The following LRRC9 variants were observed in gnomAD, a reference collection of about 807,000 sequenced individuals.
The protein encoded by LRRC9 is leucine-rich repeat-containing protein 9.
A neutral mutation model predicts 63.2 loss-of-function variants in LRRC9; 122 were observed. The ratio of observed to expected loss-of-function variants is 1.93; its 90% CI spans 1.67 to 2.24. The LOEUF (loss-of-function observed/expected upper bound fraction) is 2.24, where lower values mean the gene tolerates loss of function less well. Among genes scored for constraint, LRRC9 ranks in the 30% most tolerant of loss-of-function variants. The pLI, the probability that LRRC9 is intolerant of heterozygous loss-of-function variation, is 0.00. For missense variants in LRRC9, 1,071 were observed against 627.7 expected, an observed-to-expected ratio of 1.71 and a Z score of -7.55; for synonymous variants, 366 against 213.1, an observed-to-expected ratio of 1.72 and a Z score of -6.25.
chr14:60,061,030 A>C (rs1358905252), intron 31 of LRRC9, among the ~76,000 whole-genome samples: 2 of 152,190 alleles, frequency 1.3e-5, no homozygotes, highest in East Asian at 3.8e-4. Flanking sequence ...ATGGATGAGG[A>C]GTTGCTTCTT....
At chr14:60,030,846 A>G (rs1449157266) in intron 28 of LRRC9, among the ~76,000 whole-genome samples, 2 of 152,078 alleles carry the variant, frequency 1.3e-5, no homozygotes, top group Non-Finnish European at 2.9e-5. Flanking sequence ...AAAATGCTGC[A>G]TATTAAAAAT....
At chr14:60,059,105 C>T (rs1894484064) in intron 31 of LRRC9, 1 of 152,138 alleles carries the variant, frequency 6.6e-6, no homozygotes, top group Non-Finnish European at 1.5e-5. Flanking sequence ...CAGATACTAA[C>T]TTCCTTCTCA....
In LRRC9 at chr14:59,956,299, A is replaced by G. The variant is rs191157724; in HGVS notation, c.883-3519A>G. ...TCTCTTTGTAGATCTCTAAGATCTT[A>G]TTTTATGAATCTGGGTGCTCCTGTA... On this transcript the variant is annotated intron_variant, in intron 8 of 31. Coordinates refer to ENST00000445360, the Ensembl canonical transcript of LRRC9. 1.6e-4 allele frequency among the ~76,000 whole-genome samples: 24 copies of G among 151,538 alleles called. No homozygotes were observed. In the East Asian group the frequency reaches 4.7e-3, roughly 29 times the overall value.
intron 25 of LRRC9, 148 bp from the exon 26 acceptor site, chr14:60,018,973 T>G (rs1890912142): frequency 2.3e-6 from 1 of 439,306 alleles, no homozygotes; most frequent in African/African-American, 2.0e-5. Flanking sequence ...AAAAACACAT[T>G]GAAAACTAAA....
At chr14:59,960,087 A>G in intron 9 of LRRC9, 73 bp downstream of exon 9, 1 of 557,606 alleles carries the variant, frequency 1.8e-6, no homozygotes, top group Non-Finnish European at 3.2e-6. Flanking sequence ...CCATCAGTTG[A>G]CCCTAGTTCC....
At chr14:59,949,747 G>A (rs372126753) in intron 8 of LRRC9, among the ~76,000 whole-genome samples, 9 of 151,078 alleles carry the variant, frequency 6.0e-5, no homozygotes, top group African/African-American at 2.2e-4. Flanking sequence ...CCTTCATTTC[G>A]TTATGTACCC....
At chr14:60,024,452 T>C (rs973048114) in intron 27 of LRRC9, among the ~76,000 whole-genome samples, 2 of 152,006 alleles carry the variant, frequency 1.3e-5, no homozygotes, top group Non-Finnish European at 2.9e-5. Flanking sequence ...CTAACAATAA[T>C]TTTTAATGGC....
In LRRC9 at chr14:59,958,794, A is replaced by G. The variant is rs915890378; in HGVS notation, c.883-1024A>G. ...AATCTCCTGATCTGCAGATTGCAAAAACGGTGGGAAAAGCATAGTAACCCG... is the reference window on the plus strand; with the variant it reads ...AATCTCCTGATCTGCAGATTGCAAAGACGGTGGGAAAAGCATAGTAACCCG... On this transcript the variant is annotated intron_variant, in intron 8 of 31. Coordinates refer to ENST00000445360, the Ensembl canonical transcript of LRRC9. This position sits in a 1 kb window ranked among gnomAD's most constrained non-coding sequence, Gnocchi z 4.0. 6.6e-6 allele frequency among the ~76,000 whole-genome samples: 1 copy of G among 152,224 alleles called. No homozygotes were observed. The highest frequency in any genetic ancestry group is 6.5e-5 in the Admixed American group (1 of 15,284).
rs1438507533 is a variant in LRRC9 at position 59,958,451 on chromosome 14, C to G, written c.883-1367C>G. On this transcript the variant is annotated intron_variant, in intron 8 of 31. Transcript: ENST00000445360. The surrounding 1 kb of genome is among the most constrained non-coding windows in gnomAD (Gnocchi z 4.0). ...AGGGAAAAACCACCTACTAAAGCCTCAGTAATGGTGGACACCCCTGCCCCA... is the reference window on the plus strand; with the variant it reads ...AGGGAAAAACCACCTACTAAAGCCTGAGTAATGGTGGACACCCCTGCCCCA... Among the ~76,000 whole-genome samples the G allele has an allele frequency of 6.6e-6, 1 of 152,204 alleles. No homozygotes were observed. Among genetic ancestry groups the G allele is most frequent in the Non-Finnish European group, 1.5e-5 (1 of 68,040 alleles).
At chr14:60,022,765 A>G (rs1229327420) in exon 27 of LRRC9, 3 of 675,336 alleles carry the variant, frequency 4.4e-6, no homozygotes, top group Non-Finnish European at 8.1e-6. Context: ...TTTGCCTCCA[A>G]TAATGCACAG....
chr14:60,018,597 T>TG, intron 25 of LRRC9, 118 bp downstream of exon 25: 2 of 396,424 alleles, frequency 5.0e-6, no homozygotes, highest in Non-Finnish European at 8.9e-6. Flanking sequence ...AAATTTTCTT[T>TG]GGGTTTTTTT....
At chr14:59,928,392 G>A (rs1296528748) in exon 3 of LRRC9, 1 of 698,098 alleles carries the variant, frequency 1.4e-6, no homozygotes. Context: ...AATTTAACGA[G>A]TCTTACCATT....
At chr14:59,947,444 C>T (rs1882575140) in intron 8 of LRRC9, among the ~76,000 whole-genome samples, 1 of 124,432 alleles carries the variant, frequency 8.0e-6, no homozygotes, top group Non-Finnish European at 1.7e-5. Flanking sequence ...AAATTTTCTC[C>T]CATGTTGTAG....
intron 17 of LRRC9, among the ~76,000 whole-genome samples, chr14:59,991,157 A>T (rs1888045808): frequency 6.6e-6 from 1 of 152,152 alleles, no homozygotes; most frequent in African/African-American, 2.4e-5. Flanking sequence ...ATCTAATTGA[A>T]TCACTCACTT....
At chr14:60,041,970 T>G (rs945846974) in intron 29 of LRRC9, among the ~76,000 whole-genome samples, 2 of 152,224 alleles carry the variant, frequency 1.3e-5, no homozygotes, top group Non-Finnish European at 2.9e-5. Flanking sequence ...TTTCTAACGG[T>G]CAGGACCCTC....
chr14:59,948,318 T>C (rs1247980117), intron 8 of LRRC9, among the ~76,000 whole-genome samples: 1 of 143,230 alleles, frequency 7.0e-6, no homozygotes, highest in Non-Finnish European at 1.5e-5. Flanking sequence ...TTGTCTGTTG[T>C]TGGTGTATAG....
Position 59,927,737 on chromosome 14 carries a change from AAAT to A in LRRC9, c.-33-171_-33-169del, listed in dbSNP as rs1234076529. Reference sequence around the variant, plus strand: ...GAGAGAGATTTAAAATTAAAATAAAAAATAACCTCCTAACAGAAAACTCCCTCA... The same window carrying A: ...GAGAGAGATTTAAAATTAAAATAAAAAACCTCCTAACAGAAAACTCCCTCA... On this transcript the variant is annotated intron_variant, in intron 1 of 31. Transcript: ENST00000445360. This position sits in a 1 kb window ranked among gnomAD's most constrained non-coding sequence, Gnocchi z 4.4. Among the ~76,000 whole-genome samples the A allele has an allele frequency of 6.6e-6, 1 of 152,008 alleles. No homozygotes were observed. Among genetic ancestry groups the A allele is most frequent in the Non-Finnish European group, 1.5e-5 (1 of 67,898 alleles).
intron 31 of LRRC9, 142 bp from the exon 32 acceptor site, chr14:60,061,869 A>G (rs1187843979): frequency 1.3e-5 from 5 of 390,914 alleles, no homozygotes; most frequent in Non-Finnish European, 2.2e-5. Context: ...TTTATTTGAA[A>G]TTTTAAATTC....
At chr14:60,024,745 G>A (rs959813390) in intron 27 of LRRC9, among the ~76,000 whole-genome samples, 1 of 152,012 alleles carries the variant, frequency 6.6e-6, no homozygotes, top group African/African-American at 2.4e-5. Flanking sequence ...GTACTAGTGG[G>A]AATTGGGCTG....
Sources: allele counts gnomAD v4.1 joint callset (sites outside exome capture counted in the v4.1 genomes callset), GRCh38; gene constraint gnomAD v4.1.1; non-coding constraint Gnocchi (gnomAD v3.1); transcripts MANE v1.5; gene names NCBI Gene and HGNC (gene_info 2026-07-23, HGNC 2026-07-21).